NIPAL2: variants seen among roughly 807,000 people sequenced by gnomAD.
NIPAL2 encodes NIPA-like protein 2.
In NIPAL2, 43 loss-of-function variants were observed where a neutral mutation model predicts 48.9. The observed-to-expected ratio is 0.88, with a 90% CI of 0.69 to 1.13. NIPAL2 has a LOEUF of 1.13. NIPAL2 is among the 50% of genes most tolerant of loss of function. The probability of loss-of-function intolerance (pLI) is 0.00; values close to 1 mark genes in which losing one functional copy is unlikely to be tolerated. For missense variants in NIPAL2, 446 were observed against 461.4 expected, an observed-to-expected ratio of 0.97 and a Z score of 0.31; for synonymous variants, 167 against 174.6, an observed-to-expected ratio of 0.96 and a Z score of 0.34.
chr8:98,286,753 G>C (rs1458404700), intron 1 of NIPAL2, among the ~76,000 whole-genome samples: 1 of 147,930 alleles, frequency 6.8e-6, no homozygotes. Flanking sequence ...AGGTTGCAGC[G>C]AGCTGAGATC....
At chr8:98,220,493 C>G (rs1811801094) in intron 5 of NIPAL2, among the ~76,000 whole-genome samples, 1 of 151,842 alleles carries the variant, frequency 6.6e-6, no homozygotes, top group Admixed American at 6.6e-5. Flanking sequence ...TCACTGCAAC[C>G]TTGACCTCCT....
At chr8:98,260,016 T>C (rs536328120) in intron 1 of NIPAL2, among the ~76,000 whole-genome samples, 2 of 152,222 alleles carry the variant, frequency 1.3e-5, no homozygotes, top group East Asian at 3.9e-4. Flanking sequence ...TAGACTAAGG[T>C]TGACTAAGAA....
intron 4 of NIPAL2, among the ~76,000 whole-genome samples, chr8:98,234,114 A>C (rs1366727126): frequency 7.2e-5 from 11 of 152,182 alleles, no homozygotes; most frequent in Non-Finnish European, 1.5e-4. Context: ...AAAGGTCAGG[A>C]GGGATCTTAA....
chr8:98,287,488 G>T (rs547934819), intron 1 of NIPAL2, among the ~76,000 whole-genome samples: 1 of 152,284 alleles, frequency 6.6e-6, no homozygotes, highest in African/African-American at 2.4e-5. Context: ...AGAAAGCAAA[G>T]TTACATTAAA....
intron 1 of NIPAL2, among the ~76,000 whole-genome samples, chr8:98,267,213 AT>A (rs1184489049): frequency 3.3e-5 from 5 of 152,266 alleles, no homozygotes; most frequent in South Asian, 2.1e-4. Context: ...ACCAATTATA[AT>A]TTTTTTAATG....
At chr8:98,213,235 C>T (rs1036194642) in intron 5 of NIPAL2, among the ~76,000 whole-genome samples, 46 of 152,262 alleles carry the variant, frequency 3.0e-4, no homozygotes, top group African/African-American at 7.9e-4. Context: ...AACCACTACA[C>T]GGAAAATCTG....
chr8:98,247,942 A>G (rs1813392295), intron 3 of NIPAL2, among the ~76,000 whole-genome samples: 1 of 152,236 alleles, frequency 6.6e-6, no homozygotes, highest in Non-Finnish European at 1.5e-5. Context: ...TCTGAAAGGA[A>G]TCTGCCATTC....
intron 3 of NIPAL2, among the ~76,000 whole-genome samples, chr8:98,249,211 C>T (rs1362824628): frequency 2.0e-5 from 3 of 152,114 alleles, no homozygotes; most frequent in Non-Finnish European, 2.9e-5. Context: ...TTTAAAACCC[C>T]AAATTGCAGA....
At chr8:98,291,712 T>C (rs1327725234) in intron 1 of NIPAL2, among the ~76,000 whole-genome samples, 1 of 152,206 alleles carries the variant, frequency 6.6e-6, no homozygotes, top group Non-Finnish European at 1.5e-5. Context: ...TGCCTTTTGT[T>C]TACCTGTCAC....
In NIPAL2 at chr8:98,205,056, C is replaced by A. The variant is rs1032368746; in HGVS notation, c.791+55G>T. On this transcript the variant is annotated intron_variant, in intron 7 of 10. Coordinates refer to ENST00000430223, the MANE Select transcript of NIPAL2 (RefSeq NM_001321635.2). ...CATCTGAAGCCAGTAAAGATTAATG[C>A]CCAGAGAAGCACCGGAATGTTGAAA... 4.4e-6 allele frequency: 7 copies of A among 1,580,290 alleles called. No homozygotes were observed. The African/African-American group carries it at 5.4e-5, about 12-fold the overall frequency.
At chr8:98,211,313 G>T (rs1811302520) in intron 6 of NIPAL2, among the ~76,000 whole-genome samples, 1 of 151,738 alleles carries the variant, frequency 6.6e-6, no homozygotes, top group Non-Finnish European at 1.5e-5. Context: ...CTTATATAAG[G>T]TACATTTTGT....
intron 8 of NIPAL2, among the ~76,000 whole-genome samples, chr8:98,199,715 G>T (rs527384610): frequency 6.6e-6 from 1 of 152,122 alleles, no homozygotes; most frequent in Non-Finnish European, 1.5e-5. Context: ...GTGACACAGA[G>T]ATATGAAGTG....
At chr8:98,224,345 T>A (rs1024148275) in intron 4 of NIPAL2, among the ~76,000 whole-genome samples, 2 of 152,244 alleles carry the variant, frequency 1.3e-5, no homozygotes, top group African/African-American at 4.8e-5. Context: ...GGTTTTTTTT[T>A]ACATAAATAA....
chr8:98,202,170 T>C (rs764245824), intron 8 of NIPAL2, among the ~76,000 whole-genome samples: 8 of 152,216 alleles, frequency 5.3e-5, no homozygotes, highest in Non-Finnish European at 7.3e-5. Context: ...ACTGCAATAG[T>C]AGAAAAATAG....
intron 1 of NIPAL2, among the ~76,000 whole-genome samples, chr8:98,284,414 TCTCTCACACA>T (rs982580534): frequency 3.3e-4 from 33 of 100,844 alleles, no homozygotes; most frequent in African/African-American, 1.4e-3. Flanking sequence ...TCTCTCTCTC[TCTCTCACACA>T]CACACACACA....
chr8:98,273,743 C>T lies in NIPAL2; in HGVS notation c.136-19656G>A, dbSNP rs186180237. Among the ~76,000 whole-genome samples, 17 of 151,790 alleles carry T rather than the reference C, an allele frequency of 1.1e-4. No homozygotes were observed. In the East Asian group the frequency reaches 2.9e-3, roughly 26 times the overall value. Reference sequence around the variant, plus strand: ...CTTTATTTTGTTAACTCAATTTTTCCGTTTTCATCTTGTTCATTTGGACTC... The same window carrying T: ...CTTTATTTTGTTAACTCAATTTTTCTGTTTTCATCTTGTTCATTTGGACTC... On this transcript the variant is annotated intron_variant, in intron 1 of 10. Transcript: ENST00000430223.
intron 3 of NIPAL2, among the ~76,000 whole-genome samples, chr8:98,242,488 ATTTTTTTT>A (rs568464494): frequency 1.5e-4 from 18 of 117,768 alleles, no homozygotes; most frequent in Non-Finnish European, 1.0e-4. Flanking sequence ...CACCTGACAG[ATTTTTTTT>A]TTTTTTTTTT....
intron 5 of NIPAL2, among the ~76,000 whole-genome samples, chr8:98,222,274 T>C (rs998644177): frequency 9.2e-5 from 14 of 152,190 alleles, no homozygotes; most frequent in African/African-American, 2.4e-4. Flanking sequence ...GATGTGGAAA[T>C]TGTTCCAGGA....
chr8:98,200,839 T>C (rs1200106602), intron 8 of NIPAL2, among the ~76,000 whole-genome samples: 1 of 152,238 alleles, frequency 6.6e-6, no homozygotes, highest in Admixed American at 6.5e-5. Flanking sequence ...TTATATCTCA[T>C]TGTGGTTTTG....
Sources: gnomAD v4.1 joint callset for allele counts (sites outside exome capture counted in the v4.1 genomes callset) on GRCh38, gnomAD v4.1.1 for gene constraint, MANE v1.5 for transcripts, NCBI Gene and HGNC (gene_info 2026-07-23, HGNC 2026-07-21) for gene names.